Variants in ANO1 observed in about 807,000 individuals in gnomAD.
ANO1 encodes anoctamin-1.
ANO1 carries 59 observed loss-of-function variants against 124.0 expected under a neutral mutation model. That is an observed-to-expected ratio of 0.48 (90% CI 0.39 to 0.59). The LOEUF is 0.59. Ranked by LOEUF, ANO1 falls within the 20% of genes least tolerant of loss-of-function variation. The pLI is 0.00. For synonymous variants in ANO1, 529 were observed against 532.0 expected (o/e 0.99, Z 0.08); for missense variants, 1,059 against 1,328.0 (o/e 0.80, Z 3.15).
chr11:70,108,468 C>A, intron 6 of ANO1, 64 bp downstream of exon 6: 2 of 1,556,310 alleles, frequency 1.3e-6, no homozygotes, highest in South Asian at 1.1e-5. Flanking sequence ...ACCTCCGAGT[C>A]ATCTCTGTGG....
intron 1 of ANO1, among the ~76,000 whole-genome samples, chr11:70,040,104 C>T (rs1374901578): frequency 4.6e-5 from 7 of 152,158 alleles, no homozygotes; most frequent in South Asian, 2.1e-4. Flanking sequence ...AGCCTAAGAA[C>T]GTGATCACCC....
intron 22 of ANO1, among the ~76,000 whole-genome samples, chr11:70,175,994 A>T (rs1012554133): frequency 6.6e-6 from 1 of 152,160 alleles, no homozygotes; most frequent in Non-Finnish European, 1.5e-5. Flanking sequence ...AGCCCTCAGG[A>T]GGTCCTGAGA....
intron 1 of ANO1, among the ~76,000 whole-genome samples, chr11:70,026,007 ATGATGG>A: frequency 7.4e-6 from 1 of 135,910 alleles, no homozygotes; most frequent in East Asian, 2.3e-4. Flanking sequence ...GATGATGATG[ATGATGG>A]TGGTGGTGAT....
chr11:69,972,481 A>G, the ANO1 span, among the ~76,000 whole-genome samples: 1 of 152,178 alleles, frequency 6.6e-6, no homozygotes, highest in Non-Finnish European at 1.5e-5. Context: ...AGGGGTGTAC[A>G]GGCACGCACC....
the ANO1 span, among the ~76,000 whole-genome samples, chr11:69,976,502 G>A: frequency 5.0e-4 from 52 of 103,494 alleles, no homozygotes; most frequent in African/African-American, 1.7e-3. Flanking sequence ...GCAAAACTCC[G>A]TCTCTAAAAA....
At chr11:70,166,129 C>T (rs1195579219) in intron 20 of ANO1, among the ~76,000 whole-genome samples, 1 of 151,492 alleles carries the variant, frequency 6.6e-6, no homozygotes, top group Non-Finnish European at 1.5e-5. Context: ...ACCAGCCTGG[C>T]CAACATGGTG....
At chr11:70,088,362 T>C (rs567696331) in intron 2 of ANO1, among the ~76,000 whole-genome samples, 2 of 151,754 alleles carry the variant, frequency 1.3e-5, no homozygotes, top group East Asian at 1.9e-4. Flanking sequence ...ATACAAAAAT[T>C]AGCTGGGCAT....
chr11:70,085,612 A>T, intron 1 of ANO1: 1 of 1,535,198 alleles, frequency 6.5e-7, no homozygotes, highest in Admixed American at 2.0e-5. Context: ...ACATGGCCCC[A>T]ACTGTCCCCT....
At chr11:70,020,304 C>A (rs1856778220) in intron 1 of ANO1, among the ~76,000 whole-genome samples, 1 of 152,186 alleles carries the variant, frequency 6.6e-6, no homozygotes, top group African/African-American at 2.4e-5. Context: ...CACCCTTCTT[C>A]CATCCTCACC....
chr11:70,027,629 G>A lies in ANO1; in HGVS notation c.58+41463G>A, dbSNP rs116399367. On this transcript the variant is annotated intron_variant, in intron 1 of 27. Coordinates refer to the ANO1 transcript ENST00000531349. ...ACAGGATCTCGCACACAGTAGGTCCGCAGTCTGTAATTGAATCAACAGCAG... is the reference window on the plus strand; with the variant it reads ...ACAGGATCTCGCACACAGTAGGTCCACAGTCTGTAATTGAATCAACAGCAG... Among the ~76,000 whole-genome samples the A allele has an allele frequency of 9.8e-3, 1,487 of 152,286 alleles. 26 individuals are homozygous for A. The highest frequency in any genetic ancestry group is 0.034 in the African/African-American group (1,418 of 41,542).
intron 11 of ANO1, among the ~76,000 whole-genome samples, chr11:70,134,215 C>A (rs1171140823): frequency 6.6e-6 from 1 of 152,226 alleles, no homozygotes; most frequent in African/African-American, 2.4e-5. Flanking sequence ...TGGTCGCCAG[C>A]AGCTCTGTTT....
intron 2 of ANO1, among the ~76,000 whole-genome samples, chr11:70,102,380 ACT>A (rs2135348923): frequency 6.6e-6 from 1 of 152,118 alleles, no homozygotes; most frequent in South Asian, 2.1e-4. Flanking sequence ...GCGCTCGGTG[ACT>A]CTCTGCTGTT....
At chr11:70,140,262 A>C (rs1299415964) in intron 11 of ANO1, among the ~76,000 whole-genome samples, 2 of 152,224 alleles carry the variant, frequency 1.3e-5, no homozygotes, top group East Asian at 3.9e-4. Context: ...GGGCTCAGTG[A>C]CTCACATCTG....
At chr11:69,996,302 TAG>T (rs1404620291) in intron 1 of ANO1, among the ~76,000 whole-genome samples, 2 of 152,144 alleles carry the variant, frequency 1.3e-5, no homozygotes, top group African/African-American at 4.8e-5. Context: ...CCTAACTCAT[TAG>T]AGTTATCAAT....
chr11:70,156,753 C>T, intron 15 of ANO1, among the ~76,000 whole-genome samples, 194 bp from the exon 16 acceptor site: 1 of 152,176 alleles, frequency 6.6e-6, no homozygotes, highest in African/African-American at 2.4e-5. Flanking sequence ...GTGATAAACC[C>T]CGAAATGCTT....
the ANO1 span, among the ~76,000 whole-genome samples, chr11:69,975,531 C>T: frequency 6.6e-6 from 1 of 152,230 alleles, no homozygotes; most frequent in East Asian, 1.9e-4. Flanking sequence ...ACCCCTGGAG[C>T]CCCCTTCAGG....
intron 1 of ANO1, among the ~76,000 whole-genome samples, chr11:70,069,699 C>T (rs782467872): frequency 3.9e-5 from 6 of 152,054 alleles, no homozygotes; most frequent in African/African-American, 7.3e-5. Context: ...TTTTGGAAAA[C>T]GATAATCTAC....
intron 1 of ANO1, among the ~76,000 whole-genome samples, chr11:70,045,863 G>A (rs1196422144): frequency 1.3e-5 from 2 of 152,230 alleles, no homozygotes; most frequent in East Asian, 3.8e-4. Context: ...GTAAGATGGT[G>A]AGGGTTTTGT....
chr11:70,094,065 G>C (rs912682796), intron 2 of ANO1, among the ~76,000 whole-genome samples: 15 of 152,162 alleles, frequency 9.9e-5, no homozygotes, highest in Non-Finnish European at 2.9e-5. Context: ...GTTAATCCTC[G>C]AGCCCACAGA....
Sources: gnomAD v4.1 joint callset for allele counts (sites outside exome capture counted in the v4.1 genomes callset) on GRCh38, gnomAD v4.1.1 for gene constraint, MANE v1.5 for transcripts, NCBI Gene and HGNC (gene_info 2026-07-23, HGNC 2026-07-21) for gene names.